The following FCGR2B variants were observed in gnomAD, a reference collection of about 807,000 sequenced individuals.
FCGR2B encodes Fc gamma receptor IIb, also known as low affinity immunoglobulin gamma Fc region receptor II-b.
In FCGR2B, 18 loss-of-function variants were observed where a neutral mutation model predicts 24.8. The observed-to-expected ratio is 0.73, with a 90% CI of 0.50 to 1.08. The LOEUF (loss-of-function observed/expected upper bound fraction) is 1.08. Ranked by LOEUF, FCGR2B falls within the 50% of genes least tolerant of loss-of-function variation. FCGR2B has a pLI of 0.00. For synonymous variants in FCGR2B, 79 were observed against 109.8 expected, an observed-to-expected ratio of 0.72 and a Z score of 1.75; for missense variants, 215 against 297.6, an observed-to-expected ratio of 0.72 and a Z score of 2.04.
rs777282405 is a variant in FCGR2B at position 161,675,321 on chromosome 1, C to T, written c.817+8C>T. On this transcript the variant is annotated splice_region_variant and intron_variant, in intron 6 of 7. Coordinates refer to ENST00000358671, the MANE Select transcript of FCGR2B (RefSeq NM_001394477.1). ...CCCTCCCTGAGAAACCAGGTGAGTA[C>T]AGGTTGTCTCAGGGATTCAGTGATG... 5 of 1,553,372 alleles carry T rather than the reference C, an allele frequency of 3.2e-6. No homozygotes were observed. In the South Asian group the frequency reaches 3.5e-5, roughly 11 times the overall value.
At chr1:161,648,030 G>C in the FCGR2B span, among the ~76,000 whole-genome samples, 28,481 of 148,550 alleles carry the variant, frequency 0.19, 3,252 homozygotes, top group Middle Eastern at 0.33. Context: ...TATGAGTTGG[G>C]AAGATAGCTT....
chr1:161,672,541 C>T (rs1367433728), intron 3 of FCGR2B: 1 of 245,658 alleles, frequency 4.1e-6, no homozygotes, highest in African/African-American at 2.2e-5. Context: ...TCCACAAAGG[C>T]ATATGTCCTT....
intron 6 of FCGR2B, chr1:161,676,530 A>G (rs1440908263): frequency 5.9e-6 from 1 of 170,260 alleles, no homozygotes; most frequent in Non-Finnish European, 1.3e-5. Context: ...CTTTCCCAAA[A>G]GGCAAAGCTG....
At chr1:161,676,165 T>G (rs1455099661) in intron 6 of FCGR2B, 1 of 228,336 alleles carries the variant, frequency 4.4e-6, no homozygotes, top group Non-Finnish European at 8.7e-6. Context: ...AGGAAACCAG[T>G]GCTTTCTCTG....
rs1194908191 is a variant in FCGR2B, at chr1:161,675,786, G to C, written c.817+473G>C. On this transcript the variant is annotated intron_variant, in intron 6 of 7. Coordinates refer to ENST00000358671, the MANE Select transcript of FCGR2B (RefSeq NM_001394477.1). ...TGGAGGGATGGGGTGGAGTGGCCAG[G>C]CTCAGCTGTCTGTGGAACACTAGGA... 2.1e-5 allele frequency: 5 copies of C among 235,432 alleles called. No homozygotes were observed. The East Asian group carries it at 3.0e-4, about 14-fold the overall frequency. 14.6% of individuals were successfully genotyped at this position (235,432 alleles called of 1,614,324 possible).
chr1:161,677,003 C>G, intron 6 of FCGR2B: 2 of 424,644 alleles, frequency 4.7e-6, no homozygotes, highest in Non-Finnish European at 8.4e-6. Flanking sequence ...GAACACCCCC[C>G]TCCCCCACCT....
the FCGR2B span, among the ~76,000 whole-genome samples, chr1:161,656,239 C>A: frequency 6.7e-6 from 1 of 148,254 alleles, no homozygotes; most frequent in Non-Finnish European, 1.5e-5. Context: ...CTGTCTCCTG[C>A]ATGTATCCTA....
intron 4 of FCGR2B, 61 bp from the exon 5 acceptor site, chr1:161,673,899 T>C: frequency 4.5e-6 from 2 of 442,080 alleles, no homozygotes; most frequent in Non-Finnish European, 4.3e-6. Context: ...GGACATAGCA[T>C]TGGATGGGGG....
At chr1:161,649,986 GT>G in the FCGR2B span, among the ~76,000 whole-genome samples, 4 of 150,210 alleles carry the variant, frequency 2.7e-5, no homozygotes, top group Non-Finnish European at 5.9e-5. Flanking sequence ...AGTGAATTTT[GT>G]TTTAGAAAAA....
chr1:161,648,952 ATATAT>A, the FCGR2B span, among the ~76,000 whole-genome samples: 1 of 151,002 alleles, frequency 6.6e-6, no homozygotes, highest in Middle Eastern at 3.4e-3. Context: ...TATACCAAAA[ATATAT>A]TTTGTATTAT....
At chr1:161,674,912 C>G (rs1681983543) in intron 5 of FCGR2B, 1 of 207,692 alleles carries the variant, frequency 4.8e-6, no homozygotes, top group Non-Finnish European at 9.4e-6. Flanking sequence ...TGGTTCATAG[C>G]CAACACCTCA....
At chr1:161,672,689 AAGG>A (rs1681775134) in intron 3 of FCGR2B, 2 of 489,684 alleles carry the variant, frequency 4.1e-6, no homozygotes, top group Non-Finnish European at 3.6e-6. Flanking sequence ...TTCCTGGGAG[AAGG>A]AGGAGATGAG....
At chr1:161,647,451 C>G in the FCGR2B span, among the ~76,000 whole-genome samples, 1 of 150,452 alleles carries the variant, frequency 6.6e-6, no homozygotes, top group Non-Finnish European at 1.5e-5. Flanking sequence ...CAGGCACCCA[C>G]CAGCATGCCC....
the FCGR2B span, among the ~76,000 whole-genome samples, chr1:161,647,297 C>CT: frequency 0.018 from 2,181 of 122,518 alleles, 71 homozygotes; most frequent in South Asian, 0.053. Flanking sequence ...GCTCTGGACT[C>CT]TTTTTTTTTT....
chr1:161,671,759 C>T (rs542299679), intron 3 of FCGR2B, 110 bp downstream of exon 3: 20 of 1,566,200 alleles, frequency 1.3e-5, no homozygotes, highest in Middle Eastern at 1.8e-4. Context: ...TGGGAAGTAT[C>T]GCTGTGAGTT....
the FCGR2B span, among the ~76,000 whole-genome samples, chr1:161,651,165 G>T: frequency 7.6e-6 from 1 of 131,148 alleles, no homozygotes; most frequent in Non-Finnish European, 1.7e-5. Context: ...TGCCCCTGGG[G>T]TTCATAAATC....
the FCGR2B span, among the ~76,000 whole-genome samples, chr1:161,647,935 G>A: frequency 2.6e-5 from 4 of 150,954 alleles, no homozygotes; most frequent in Non-Finnish European, 4.4e-5. Flanking sequence ...ACTCGTAGAC[G>A]ACCCTTCGTC....
intron 4 of FCGR2B, chr1:161,673,543 A>G (rs779030283): frequency 2.9e-5 from 21 of 725,232 alleles, no homozygotes; most frequent in South Asian, 4.2e-5. Flanking sequence ...ATTCCTAAGA[A>G]CTGAGGTTTG....
rs892162265 is a variant in FCGR2B, at chr1:161,673,253, A to C, written c.646+24A>C. On this transcript the variant is annotated intron_variant, in intron 4 of 7. Transcript: ENST00000358671. ...AGGTATGCGGAGTCTGCCAAGATGT[A>C]AGGAGGGGAGAAGAGGGGATGGACA... 6 of 1,553,350 alleles carry C rather than the reference A, an allele frequency of 3.9e-6. 1 individual carries two copies. The highest frequency in any genetic ancestry group is 1.4e-5 in the African/African-American group (1 of 71,430).
Sources: allele counts gnomAD v4.1 joint callset (sites outside exome capture counted in the v4.1 genomes callset), GRCh38; gene constraint gnomAD v4.1.1; transcripts MANE v1.5; gene names NCBI Gene and HGNC (gene_info 2026-07-23, HGNC 2026-07-21).